The following HDGFL3 variants were observed in gnomAD, a reference collection of about 807,000 sequenced individuals.
The protein encoded by HDGFL3 is hepatoma-derived growth factor-related protein 3.
HDGFL3 carries 6 observed loss-of-function variants against 27.6 expected under a neutral mutation model. That is an observed-to-expected ratio of 0.22 (90% CI 0.12 to 0.43). The LOEUF is 0.43. Ranked by LOEUF, HDGFL3 falls within the 20% of genes least tolerant of loss-of-function variation. The probability of loss-of-function intolerance (pLI) is 1.00; values close to 1 mark genes in which losing one functional copy is unlikely to be tolerated. For synonymous variants in HDGFL3, 88 were observed against 88.9 expected, an observed-to-expected ratio of 0.99 and a Z score of 0.05; for missense variants, 207 against 250.1, an observed-to-expected ratio of 0.83 and a Z score of 1.16.
chr15:83,122,119 C>T lies in HDGFL3; in HGVS notation c.394-6378G>A, dbSNP rs1423513913. ...CAAGTGATTCCAAGCTTACTAAAAACCTGTTTTGCAGAATAATTCCTTTTT... is the reference window on the plus strand; with the variant it reads ...CAAGTGATTCCAAGCTTACTAAAAATCTGTTTTGCAGAATAATTCCTTTTT... On this transcript the variant is annotated intron_variant, in intron 3 of 3. Transcript: ENST00000568294. 22 of 858,678 alleles carry T rather than the reference C, an allele frequency of 2.6e-5. No homozygotes were observed. The East Asian group carries it at 4.0e-4, about 16-fold the overall frequency. The allele number at this position is 858,678 out of a possible 1,614,324, so 53.2% of individuals were successfully genotyped here. A position where few individuals can be genotyped will look rare whatever the true frequency, so the allele number is the denominator to read the frequency against.
At chr15:83,121,763 C>T in intron 3 of HDGFL3, 1 of 612,228 alleles carries the variant, frequency 1.6e-6, no homozygotes, top group South Asian at 2.2e-5. Context: ...AGTTACATAA[C>T]CAGGGCTCCT....
At chr15:83,201,899 A>G (rs1318479544) in intron 1 of HDGFL3, among the ~76,000 whole-genome samples, 1 of 152,170 alleles carries the variant, frequency 6.6e-6, no homozygotes, top group Non-Finnish European at 1.5e-5. Flanking sequence ...CCTGGGAAAA[A>G]GACTGAGTGA....
downstream of HDGFL3, among the ~76,000 whole-genome samples, chr15:83,126,428 G>A (rs1316520767): frequency 6.6e-6 from 1 of 152,094 alleles, no homozygotes; most frequent in Admixed American, 6.5e-5. Context: ...GGGAATAGGG[G>A]GCTAGTTATT....
chr15:83,200,368 C>T (rs1428473212), intron 1 of HDGFL3, among the ~76,000 whole-genome samples: 4 of 151,966 alleles, frequency 2.6e-5, no homozygotes, highest in Non-Finnish European at 4.4e-5. Flanking sequence ...AAGAAATGGC[C>T]TATCACACTC....
At chr15:83,117,792 C>T (rs2034808692) in intron 3 of HDGFL3, among the ~76,000 whole-genome samples, 3 of 151,996 alleles carry the variant, frequency 2.0e-5, no homozygotes, top group Non-Finnish European at 4.4e-5. Context: ...GAACAACATG[C>T]CAAGAGCCAG....
intron 3 of HDGFL3, among the ~76,000 whole-genome samples, chr15:83,120,381 T>C (rs2035108550): frequency 1.3e-5 from 2 of 152,174 alleles, no homozygotes; most frequent in Admixed American, 1.3e-4. Flanking sequence ...CAGCTTTTTT[T>C]CTGCTGGGGC....
At chr15:83,115,485 C>T (rs913457846) in exon 4 of HDGFL3, 1 of 390,554 alleles carries the variant, frequency 2.6e-6, no homozygotes, top group African/African-American at 2.1e-5. Flanking sequence ...TGGCTTTGCT[C>T]CCACTGCCCA....
At chr15:83,169,030 A>T (rs2037208338) in intron 1 of HDGFL3, among the ~76,000 whole-genome samples, 1 of 152,194 alleles carries the variant, frequency 6.6e-6, no homozygotes, top group East Asian at 1.9e-4. Flanking sequence ...AAGCCACATG[A>T]TCAACTCAAA....
intron 3 of HDGFL3, chr15:83,122,662 A>T: frequency 6.9e-7 from 1 of 1,456,086 alleles, no homozygotes; most frequent in South Asian, 1.3e-5. Context: ...GCCCATAGCA[A>T]AATTTTAGAT....
intron 1 of HDGFL3, among the ~76,000 whole-genome samples, chr15:83,176,017 C>T (rs1222882073): frequency 6.6e-6 from 1 of 152,218 alleles, no homozygotes; most frequent in East Asian, 1.9e-4. Context: ...ATGATAGGTA[C>T]CTAATCTCTG....
intron 5 of HDGFL3, among the ~76,000 whole-genome samples, chr15:83,150,358 T>C (rs1185093755): frequency 6.6e-6 from 1 of 152,180 alleles, no homozygotes; most frequent in East Asian, 1.9e-4. Flanking sequence ...GATAGAGGAC[T>C]ACTTATTAAA....
At position 83,136,559 on chromosome 15, in the gene HDGFL3, C is replaced by A. The variant is rs1396836016; in HGVS notation, c.*2711G>T. ...CAGAGTCCCTGAAGAAGCAAAAATC[C>A]TTTTTTTAGCATTAAACATAGCATA... On this transcript the variant is annotated 3_prime_UTR_variant, in exon 6 of 6. Coordinates refer to ENST00000299633, the MANE Select transcript of HDGFL3 (RefSeq NM_016073.4). 4 of 1,613,586 alleles carry A rather than the reference C, an allele frequency of 2.5e-6. No homozygotes were observed. In the African/African-American group the frequency reaches 4.0e-5, roughly 16 times the overall value.
In HDGFL3 at chr15:83,207,357, T is replaced by G; in HGVS notation, c.58A>C (p.Lys20Gln). 1 of 1,400,812 alleles carries G rather than the reference T, an allele frequency of 7.1e-7. No homozygotes were observed. Among genetic ancestry groups the G allele is most frequent in the Non-Finnish European group, 9.3e-7 (1 of 1,072,154 alleles). The allele number at this position is 1,400,812 out of a possible 1,614,324, so 86.8% of individuals were successfully genotyped here. The stretch of plus-strand genomic sequence containing the variant: ...CGGGCCGGCCAGTGCGGGTAGCCCT[T>G]CATCTTGGCGAAGACCAGGTCGCCC... ...KAGDLVFAKM[K>Q]GYPHWPARID... is the part of the protein sequence containing the mutation. Residue 20 changes from lysine (K) to glutamine (Q), a missense_variant, in exon 1 of 6, where the codon AAG becomes CAG. Coordinates refer to ENST00000299633, the MANE Select transcript of HDGFL3 (RefSeq NM_016073.4). This position sits in a 1 kb window ranked among gnomAD's most constrained non-coding sequence, Gnocchi z 4.8.
chr15:83,131,037 C>G lies in HDGFL3; in HGVS notation c.*8233G>C, dbSNP rs2036194406. The G allele has an allele frequency of 6.6e-6, 1 of 152,082 alleles. No homozygotes were observed. The allele number at this position is 152,082 out of a possible 1,614,324, so 9.4% of individuals were successfully genotyped here. A position where few individuals can be genotyped will look rare whatever the true frequency, so the allele number is the denominator to read the frequency against. On this transcript the variant is annotated 3_prime_UTR_variant, in exon 6 of 6. Transcript: ENST00000299633. ...ACCAGGAGGCAGAGGTTGCAGTGAGCCGAGACTGTGTCACTGCACTCTCCA... is the reference window on the plus strand; with the variant it reads ...ACCAGGAGGCAGAGGTTGCAGTGAGGCGAGACTGTGTCACTGCACTCTCCA...
In HDGFL3 at chr15:83,136,375, T is replaced by A. The variant is rs1596537774; in HGVS notation, c.*2895A>T. The stretch of plus-strand genomic sequence containing the variant: ...GTATTTTGCCTGCAGGTGAGACTGG[T>A]TTTGAGGGCACAGAAACGTAGCCTG... On this transcript the variant is annotated 3_prime_UTR_variant, in exon 6 of 6. Transcript: ENST00000299633. The A allele has an allele frequency of 4.2e-6, 4 of 944,862 alleles. No homozygotes were observed. The East Asian group carries it at 1.1e-4, about 25-fold the overall frequency. 58.5% of individuals were successfully genotyped at this position (944,862 alleles called of 1,614,324 possible). A position where few individuals can be genotyped will look rare whatever the true frequency, so the allele number is the denominator to read the frequency against.
chr15:83,193,033 C>A (rs1596567257), intron 1 of HDGFL3, among the ~76,000 whole-genome samples: 1 of 152,282 alleles, frequency 6.6e-6, no homozygotes, highest in East Asian at 1.9e-4. Flanking sequence ...CCTGCCTTTA[C>A]CACATATGGA....
chr15:83,147,988 G>A (rs928880350), intron 5 of HDGFL3, among the ~76,000 whole-genome samples: 1 of 152,152 alleles, frequency 6.6e-6, no homozygotes, highest in African/African-American at 2.4e-5. Context: ...GCGCTGTACA[G>A]AAGAGAAAAC....
chr15:83,186,093 TACTCTCTAG>T (rs1270333355), intron 1 of HDGFL3: 6 of 152,214 alleles, frequency 3.9e-5, no homozygotes, highest in Non-Finnish European at 7.3e-5. Flanking sequence ...AAGATGGATC[TACTCTCTAG>T]ACAAGCCTTA....
chr15:83,187,887 CAAAAAAAAAA>C (rs748482520), intron 1 of HDGFL3, among the ~76,000 whole-genome samples: 6 of 75,546 alleles, frequency 7.9e-5, no homozygotes, highest in South Asian at 5.0e-4. Flanking sequence ...AACTCTGTCT[CAAAAAAAAAA>C]AAAAAAAAAA....
Sources: gnomAD v4.1 joint callset for allele counts (sites outside exome capture counted in the v4.1 genomes callset) on GRCh38, gnomAD v4.1.1 for gene constraint, Gnocchi (gnomAD v3.1) non-coding constraint, MANE v1.5 for transcripts, NCBI Gene and HGNC (gene_info 2026-07-23, HGNC 2026-07-21) for gene names.